Variants in GGA2 observed in about 807,000 individuals in gnomAD.
The protein encoded by GGA2 is golgi associated, gamma adaptin ear containing, ARF binding protein 2, also known as ADP-ribosylation factor-binding protein GGA2.
GGA2 carries 48 observed loss-of-function variants against 79.5 expected under a neutral mutation model. That is an observed-to-expected ratio of 0.60 (90% CI 0.48 to 0.77). The LOEUF (loss-of-function observed/expected upper bound fraction) is 0.77. Ranked by LOEUF, GGA2 falls within the 30% of genes least tolerant of loss-of-function variation. The probability of loss-of-function intolerance (pLI) is 0.00; values close to 1 mark genes in which losing one functional copy is unlikely to be tolerated. For missense variants in GGA2, 770 were observed against 774.0 expected, an observed-to-expected ratio of 0.99 and a Z score of 0.06; for synonymous variants, 317 against 302.0, an observed-to-expected ratio of 1.05 and a Z score of -0.51.
intron 11 of GGA2, among the ~76,000 whole-genome samples, chr16:23,479,445 TTCCCTCAGCAGCAGGTATGTGC>T (rs1167434173): frequency 1.6e-4 from 23 of 146,098 alleles, no homozygotes; most frequent in Non-Finnish European, 2.7e-4. Flanking sequence ...ACCACCCTGA[TTCCCTCAGCAGCAGGTATGTGC>T]TCCCTCAGCA....
chr16:23,506,697 G>A (rs1049685632), intron 1 of GGA2, among the ~76,000 whole-genome samples: 1 of 152,034 alleles, frequency 6.6e-6, no homozygotes, highest in African/African-American at 2.4e-5. Context: ...CGTCCGGGTG[G>A]GCCCACTTCG....
In GGA2 at chr16:23,475,641, C is replaced by T. The variant is rs577715072; in HGVS notation, c.1293-580G>A. On this transcript the variant is annotated intron_variant, in intron 13 of 16. Coordinates refer to ENST00000309859, the MANE Select transcript of GGA2 (RefSeq NM_015044.4). ...CTTAGAGGCTGGGCACGGTGGCTCA[C>T]GCCTGTAATCCCAGCATTTTGGGAG... 1.2e-4 allele frequency among the ~76,000 whole-genome samples: 18 copies of T among 151,566 alleles called. 1 individual carries two copies. Among genetic ancestry groups the T allele is most frequent in the African/African-American group, 3.6e-4 (15 of 41,356 alleles).
intron 1 of GGA2, among the ~76,000 whole-genome samples, chr16:23,499,705 G>A (rs528898410): frequency 2.6e-5 from 4 of 152,146 alleles, no homozygotes; most frequent in Admixed American, 2.0e-4. Context: ...CTCGTGATCC[G>A]CCCGCCTCGG....
intron 14 of GGA2, 111 bp from the exon 15 acceptor site, chr16:23,470,276 G>C (rs1964493891): frequency 7.9e-6 from 6 of 760,542 alleles, no homozygotes; most frequent in Non-Finnish European, 1.0e-5. Context: ...TCTCCATGCA[G>C]AACATGTCCA....
At chr16:23,489,375 C>T (rs1964754338) in intron 5 of GGA2, among the ~76,000 whole-genome samples, 1 of 152,166 alleles carries the variant, frequency 6.6e-6, no homozygotes, top group African/African-American at 2.4e-5. Context: ...GCTGGGACTA[C>T]AGGTGGGCAC....
chr16:23,507,143 CCA>C (rs1206846552), intron 1 of GGA2, among the ~76,000 whole-genome samples: 3 of 152,152 alleles, frequency 2.0e-5, no homozygotes, highest in Admixed American at 6.5e-5. Flanking sequence ...TGCACCCTCC[CCA>C]CACATTTATT....
chr16:23,495,724 A>G lies in GGA2; in HGVS notation c.146T>C (p.Phe49Ser), dbSNP rs1320671169. ...SEQDWSAIQNFCEQVNTDPNG... is the reference protein window; with the variant it reads ...SEQDWSAIQNSCEQVNTDPNG... ...GGGGTCAGTGTTCACCTGCTCACAG[A>G]AATTCTGGATAGCTGACCAATCCTG... The change falls in exon 2 of 17, where the codon TTC (phenylalanine) becomes TCC (serine). Residue 49 changes from phenylalanine to serine, a missense_variant. Phe to Ser is a radical substitution (Grantham distance 155, BLOSUM62 -2). Coordinates refer to ENST00000309859, the MANE Select transcript of GGA2 (RefSeq NM_015044.4). The G allele has an allele frequency of 1.2e-6, 2 of 1,612,176 alleles. No homozygotes were observed. Among genetic ancestry groups the G allele is most frequent in the Admixed American group, 3.3e-5 (2 of 59,996 alleles).
chr16:23,466,201 T>C lies in GGA2; in HGVS notation c.*1389A>G, dbSNP rs1168517687. ...ATTGTAATTAAGAGCTCCAAACAAGTCTTGCAGTTTCAAAGGTAGAAACCC... is the reference window on the plus strand; with the variant it reads ...ATTGTAATTAAGAGCTCCAAACAAGCCTTGCAGTTTCAAAGGTAGAAACCC... On this transcript the variant is annotated 3_prime_UTR_variant, in exon 17 of 17. Transcript: ENST00000309859. 2.0e-5 allele frequency: 3 copies of C among 152,100 alleles called. No homozygotes were observed. Among genetic ancestry groups the C allele is most frequent in the Non-Finnish European group, 4.4e-5 (3 of 68,012 alleles). 9.4% of individuals were successfully genotyped at this position (152,100 alleles called of 1,614,324 possible). A position where few individuals can be genotyped will look rare whatever the true frequency, so the allele number is the denominator to read the frequency against.
intron 1 of GGA2, among the ~76,000 whole-genome samples, chr16:23,503,641 C>T (rs1272486505): frequency 1.3e-5 from 2 of 152,166 alleles, no homozygotes; most frequent in African/African-American, 4.8e-5. Context: ...AAAACCTATA[C>T]ACAAGAACTT....
At chr16:23,497,981 A>T (rs367645509) in intron 1 of GGA2, among the ~76,000 whole-genome samples, 129 of 152,150 alleles carry the variant, frequency 8.5e-4, no homozygotes, top group East Asian at 2.3e-3. Context: ...AGAAATTTTT[A>T]AAAAAAATTA....
In GGA2 at chr16:23,468,924, C is replaced by G; in HGVS notation, c.1693G>C (p.Val565Leu). ...PAFSPLMPPA[V>L]ISQMLLLDNP... ...TCAAGCAGCAGCATCTGAGATATCACAGCTGGAGGCATCAAAGGACTGAAT... is the reference window on the plus strand; with the variant it reads ...TCAAGCAGCAGCATCTGAGATATCAGAGCTGGAGGCATCAAAGGACTGAAT... Residue 565 changes from valine to leucine, a missense_variant, in exon 16 of 17, where the codon GTG (valine) becomes CTG (leucine). Val to Leu is a conservative substitution (Grantham distance 32). Transcript: ENST00000309859. 1 of 1,611,082 alleles carries G rather than the reference C, an allele frequency of 6.2e-7. No homozygotes were observed. The highest frequency in any genetic ancestry group is 8.5e-7 in the Non-Finnish European group (1 of 1,177,212).
In GGA2 at chr16:23,466,281, C is replaced by T. The variant is rs1441348782; in HGVS notation, c.*1309G>A. 6.6e-6 allele frequency: 1 copy of T among 152,216 alleles called. No homozygotes were observed. Among genetic ancestry groups the T allele is most frequent in the Non-Finnish European group, 1.5e-5 (1 of 68,054 alleles). 9.4% of individuals were successfully genotyped at this position (152,216 alleles called of 1,614,324 possible). On this transcript the variant is annotated 3_prime_UTR_variant, in exon 17 of 17. Transcript: ENST00000309859. ...AAGCCCTCCGCCTAGCCATCTCAGC[C>T]AGGCTCAGGTTCCTTCTCCCACCCA...
At chr16:23,510,716 ATTT>A (rs1285531441), upstream of GGA2, among the ~76,000 whole-genome samples, 1 of 152,214 alleles carries the variant, frequency 6.6e-6, no homozygotes, top group Non-Finnish European at 1.5e-5. Flanking sequence ...TAGCATTTTT[ATTT>A]TTTAAGAGAC....
chr16:23,480,835 G>GCA, intron 9 of GGA2, 65 bp from the exon 10 acceptor site: 1 of 1,515,150 alleles, frequency 6.6e-7, no homozygotes, highest in Non-Finnish European at 9.1e-7. Flanking sequence ...TCTTTTCTAA[G>GCA]CTTTTCCATA....
At chr16:23,491,351 A>T (rs1964784466) in intron 5 of GGA2, among the ~76,000 whole-genome samples, 1 of 151,034 alleles carries the variant, frequency 6.6e-6, no homozygotes, top group South Asian at 2.1e-4. Flanking sequence ...GTTTTTAGGC[A>T]AACAAGTCTT....
chr16:23,500,183 C>T (rs1200473733), intron 1 of GGA2, among the ~76,000 whole-genome samples: 5 of 152,330 alleles, frequency 3.3e-5, no homozygotes, highest in South Asian at 2.1e-4. Flanking sequence ...AGGTGGGGTG[C>T]GGGCTGCTAG....
In GGA2 at chr16:23,467,492, T is replaced by A. The variant is rs1271626901; in HGVS notation, c.*98A>T. On this transcript the variant is annotated 3_prime_UTR_variant, in exon 17 of 17. Transcript: ENST00000309859. Reference sequence around the variant, plus strand: ...CCAGAGCCTGACGTCAGGATAGGACTCTTGGCACTCCGCACTGAAACACCG... The same window carrying A: ...CCAGAGCCTGACGTCAGGATAGGACACTTGGCACTCCGCACTGAAACACCG... 1.4e-6 allele frequency: 1 copy of A among 695,962 alleles called. No homozygotes were observed. Among genetic ancestry groups the A allele is most frequent in the African/African-American group, 1.8e-5 (1 of 56,504 alleles). The allele number at this position is 695,962 out of a possible 1,614,324, so 43.1% of individuals were successfully genotyped here. A position where few individuals can be genotyped will look rare whatever the true frequency, so the allele number is the denominator to read the frequency against.
intron 6 of GGA2, among the ~76,000 whole-genome samples, chr16:23,487,443 A>G (rs1964729634): frequency 6.6e-6 from 1 of 152,288 alleles, no homozygotes; most frequent in South Asian, 2.1e-4. Context: ...TGCACAGGAC[A>G]GTCCCCAACA....
upstream of GGA2, chr16:23,522,830 C>G (rs1347875740): frequency 1.3e-5 from 2 of 152,142 alleles, no homozygotes; most frequent in Non-Finnish European, 2.9e-5. Context: ...AGGTCACAAG[C>G]GAGATCAGCT....
Sources: allele counts gnomAD v4.1 joint callset (sites outside exome capture counted in the v4.1 genomes callset), GRCh38; gene constraint gnomAD v4.1.1; transcripts MANE v1.5; gene names NCBI Gene and HGNC (gene_info 2026-07-23, HGNC 2026-07-21).